Variants in TMTC1 observed in about 807,000 individuals in gnomAD.
TMTC1 encodes protein O-mannosyl-transferase TMTC1.
A neutral mutation model predicts 104.8 loss-of-function variants in TMTC1; 73 were observed. The observed-to-expected ratio is 0.70, with a 90% CI of 0.58 to 0.85. The LOEUF is 0.85. Ranked by LOEUF, TMTC1 falls within the 40% of genes least tolerant of loss-of-function variation. The pLI is 0.00. For missense variants in TMTC1, 1,035 were observed against 1,096.1 expected, an observed-to-expected ratio of 0.94 and a Z score of 0.79; for synonymous variants, 434 against 428.7, an observed-to-expected ratio of 1.01 and a Z score of -0.15.
chr12:29,766,901 T>C (rs1159287414), intron 2 of TMTC1, among the ~76,000 whole-genome samples: 3 of 152,116 alleles, frequency 2.0e-5, no homozygotes, highest in Admixed American at 6.6e-5. Flanking sequence ...AAATGCCATC[T>C]GATTCATGGA....
chr12:29,556,595 C>G (rs976170518), intron 10 of TMTC1, among the ~76,000 whole-genome samples: 2 of 152,210 alleles, frequency 1.3e-5, no homozygotes, highest in Non-Finnish European at 2.9e-5. Context: ...GACCATGTAA[C>G]ACTTTTCCAT....
chr12:29,739,088 C>T (rs905280221), intron 5 of TMTC1, among the ~76,000 whole-genome samples: 19 of 152,146 alleles, frequency 1.2e-4, no homozygotes, highest in African/African-American at 4.6e-4. Context: ...TCATATGTTG[C>T]ATCAGGCCTC....
Position 29,598,937 on chromosome 12 carries a change from T to C in TMTC1, c.1250+5241A>G, listed in dbSNP as rs12820766. ...CTTTTATTTCTTTCTCAGTCATTCTTGATCAGTTGTATCCCAAAATATTGT... is the reference window on the plus strand; with the variant it reads ...CTTTTATTTCTTTCTCAGTCATTCTCGATCAGTTGTATCCCAAAATATTGT... On this transcript the variant is annotated intron_variant, in intron 7 of 17. Coordinates refer to ENST00000539277, the MANE Select transcript of TMTC1 (RefSeq NM_001193451.2). Among the ~76,000 whole-genome samples the C allele has an allele frequency of 4.2e-3, 644 of 152,356 alleles. 1 individual carries two copies. Among genetic ancestry groups the C allele is most frequent in the Non-Finnish European group, 5.9e-3 (400 of 68,026 alleles).
chr12:29,751,171 C>A (rs2136970747), intron 5 of TMTC1, among the ~76,000 whole-genome samples: 1 of 152,290 alleles, frequency 6.6e-6, no homozygotes, highest in South Asian at 2.1e-4. Flanking sequence ...ATTTTCACAG[C>A]TAGGTCAAAA....
Position 29,506,586 on chromosome 12 carries a change from C to T in TMTC1, c.*260G>A. ...AAGAGAAATCTGGAGTTAAACCAAA[C>T]AAAAATCTGTAAAATGTGTAAATGT... On this transcript the variant is annotated 3_prime_UTR_variant, in exon 18 of 18. Coordinates refer to ENST00000539277, the MANE Select transcript of TMTC1 (RefSeq NM_001193451.2). 1 of 421,994 alleles carries T rather than the reference C, an allele frequency of 2.4e-6. No individual in the cohort carries two copies. The highest frequency in any genetic ancestry group is 4.3e-6 in the Non-Finnish European group (1 of 232,500). The allele number at this position is 421,994 out of a possible 1,614,324, so 26.1% of individuals were successfully genotyped here. A position where few individuals can be genotyped will look rare whatever the true frequency, so the allele number is the denominator to read the frequency against.
intron 7 of TMTC1, among the ~76,000 whole-genome samples, chr12:29,596,105 C>G (rs1946397290): frequency 6.6e-6 from 1 of 152,024 alleles, no homozygotes; most frequent in Non-Finnish European, 1.5e-5. Context: ...CTCCTGGGTT[C>G]AAGCACTTCT....
chr12:29,641,389 G>A (rs1434992065), intron 5 of TMTC1, among the ~76,000 whole-genome samples: 1 of 152,174 alleles, frequency 6.6e-6, no homozygotes, highest in African/African-American at 2.4e-5. Flanking sequence ...CCATGGCTGA[G>A]AGACCCATAG....
intron 17 of TMTC1, among the ~76,000 whole-genome samples, chr12:29,511,255 ACTC>A (rs1266301822): frequency 1.4e-5 from 2 of 148,052 alleles, no homozygotes; most frequent in Non-Finnish European, 2.9e-5. Flanking sequence ...TAATATATCA[ACTC>A]CTCCTCCTCC....
intron 2 of TMTC1, 99 bp from the exon 3 acceptor site, chr12:29,758,876 T>C (rs2136994082): frequency 9.7e-7 from 1 of 1,035,410 alleles, no homozygotes; most frequent in Non-Finnish European, 1.4e-6. Flanking sequence ...GTTAGATAAA[T>C]GGAAGATATA....
In TMTC1 at chr12:29,599,914, A is replaced by ATGTGTATATATATGTGTATATATATGTG. The variant is rs1555174457; in HGVS notation, c.1250+4236_1250+4263dup. On this transcript the variant is annotated intron_variant, in intron 7 of 17. Coordinates refer to ENST00000539277, the MANE Select transcript of TMTC1 (RefSeq NM_001193451.2). ...TGTGTATATATACATGTGTATATAT[A>ATGTGTATATATATGTGTATATATATGTG]TGTGTATATATATGTGTATATATAT... Among the ~76,000 whole-genome samples, 599 of 134,746 alleles carry ATGTGTATATATATGTGTATATATATGTG rather than the reference A, an allele frequency of 4.4e-3. 12 individuals are homozygous for ATGTGTATATATATGTGTATATATATGTG. Among genetic ancestry groups the ATGTGTATATATATGTGTATATATATGTG allele is most frequent in the African/African-American group, 0.021 (567 of 26,606 alleles). The allele number at this position is 134,746 out of a possible 152,430, so 88.4% of individuals were successfully genotyped here. A position where few individuals can be genotyped will look rare whatever the true frequency, so the allele number is the denominator to read the frequency against.
intron 6 of TMTC1, among the ~76,000 whole-genome samples, chr12:29,609,485 T>G (rs960679887): frequency 1.3e-5 from 2 of 152,338 alleles, no homozygotes; most frequent in Non-Finnish European, 2.9e-5. Context: ...ACAACACCCC[T>G]ACTGCTATCT....
At chr12:29,744,757 G>T (rs937042683) in intron 5 of TMTC1, among the ~76,000 whole-genome samples, 2 of 151,992 alleles carry the variant, frequency 1.3e-5, no homozygotes, top group African/African-American at 2.4e-5. Flanking sequence ...TTCTATATTT[G>T]AAAAAAAGCT....
At chr12:29,749,173 T>A (rs302331) in intron 5 of TMTC1, among the ~76,000 whole-genome samples, 52,430 of 151,874 alleles carry the variant, frequency 0.35, 9,111 homozygotes, top group African/African-American at 0.37. Context: ...TTCATATTTC[T>A]TCCTACCCTT....
At chr12:29,649,003 G>C (rs1451345577) in intron 5 of TMTC1, among the ~76,000 whole-genome samples, 1 of 152,004 alleles carries the variant, frequency 6.6e-6, no homozygotes, top group Non-Finnish European at 1.5e-5. Flanking sequence ...ACAATCACCT[G>C]TCTTCAGGCC....
At position 29,702,829 on chromosome 12, in the gene TMTC1, C is replaced by T. The variant is rs186525701; in HGVS notation, c.938+48837G>A. Reference sequence around the variant, plus strand: ...CATCATACCACACAGCTAAGGACTGCGATATTTTCTAATTTATAAAAAATA... The same window carrying T: ...CATCATACCACACAGCTAAGGACTGTGATATTTTCTAATTTATAAAAAATA... On this transcript the variant is annotated intron_variant, in intron 5 of 17. Transcript: ENST00000539277. Among the ~76,000 whole-genome samples, 12 of 152,102 alleles carry T rather than the reference C, an allele frequency of 7.9e-5. No individual in the cohort carries two copies. The South Asian group carries it at 1.0e-3, about 13-fold the overall frequency.
chr12:29,745,603 A>C, intron 5 of TMTC1, among the ~76,000 whole-genome samples: 1 of 134,266 alleles, frequency 7.4e-6, no homozygotes, highest in Non-Finnish European at 1.6e-5. Flanking sequence ...CCTGAGCAAC[A>C]GAGCGAGACT....
chr12:29,536,892 C>T (rs1177428818), intron 10 of TMTC1, among the ~76,000 whole-genome samples: 1 of 152,096 alleles, frequency 6.6e-6, no homozygotes, highest in East Asian at 1.9e-4. Flanking sequence ...GACATTTTAT[C>T]ATCATATTTT....
intron 5 of TMTC1, among the ~76,000 whole-genome samples, chr12:29,715,987 GTATTATTATTAT>G (rs140955615): frequency 0.016 from 2,068 of 130,098 alleles, 35 homozygotes; most frequent in African/African-American, 0.044. Context: ...GCCAAACTCA[GTATTATTATTAT>G]TATTATTATT....
chr12:29,716,179 T>C (rs1405087635), intron 5 of TMTC1, among the ~76,000 whole-genome samples: 1 of 151,956 alleles, frequency 6.6e-6, no homozygotes, highest in East Asian at 1.9e-4. Context: ...CCACTACAAC[T>C]GGCTAATTTT....
Sources: allele counts gnomAD v4.1 joint callset (sites outside exome capture counted in the v4.1 genomes callset), GRCh38; gene constraint gnomAD v4.1.1; transcripts MANE v1.5; gene names NCBI Gene and HGNC (gene_info 2026-07-23, HGNC 2026-07-21).